MGST1: variants seen among roughly 807,000 people sequenced by gnomAD.
MGST1 encodes the protein glutathione S-transferase 12.
A neutral mutation model predicts 8.9 loss-of-function variants in MGST1; 5 were observed. The observed-to-expected ratio is 0.56, with a 90% CI of 0.29 to 1.19. The LOEUF is 1.19. Ranked by LOEUF, MGST1 falls within the 50% of genes most tolerant of loss-of-function variation. The probability of loss-of-function intolerance (pLI) is 0.08; values close to 1 mark genes in which losing one functional copy is unlikely to be tolerated. For missense variants in MGST1, 182 were observed against 187.4 expected (o/e 0.97, Z 0.17); for synonymous variants, 54 against 67.8 (o/e 0.80, Z 1.00).
At chr12:16,460,904 A>G (rs974248451) in intron 4 of MGST1, among the ~76,000 whole-genome samples, 1 of 152,090 alleles carries the variant, frequency 6.6e-6, no homozygotes, top group Non-Finnish European at 1.5e-5. Flanking sequence ...GATACTATAA[A>G]GCAAGAAGCT....
chr12:16,400,673 C>T lies in MGST1; in HGVS notation n.778+17069C>T, dbSNP rs74063773. The T allele has an allele frequency of 1.7e-4, 251 of 1,498,520 alleles. No individual in the cohort carries two copies. In the African/African-American group the frequency reaches 3.1e-3, roughly 19 times the overall value. 92.8% of individuals were successfully genotyped at this position (1,498,520 alleles called of 1,614,324 possible). On this transcript the variant is annotated intron_variant and non_coding_transcript_variant, in intron 1 of 1. Transcript: ENST00000359720. Reference sequence around the variant, plus strand: ...CGCTTCAGGGTTAGGAAAGATGTTGCCTTCATTCCTGCCCAGAGCACTGCC... The same window carrying T: ...CGCTTCAGGGTTAGGAAAGATGTTGTCTTCATTCCTGCCCAGAGCACTGCC...
intron 4 of MGST1, among the ~76,000 whole-genome samples, chr12:16,498,770 G>T (rs1941486241): frequency 6.6e-6 from 1 of 152,158 alleles, no homozygotes; most frequent in Non-Finnish European, 1.5e-5. Flanking sequence ...AAGTAGGGTA[G>T]CTCATGCACC....
intron 4 of MGST1, among the ~76,000 whole-genome samples, chr12:16,493,899 T>A (rs1336865592): frequency 2.0e-5 from 3 of 152,166 alleles, no homozygotes. Context: ...TAATTTTAAT[T>A]TCAATATCTA....
At chr12:16,366,542 T>C (rs1359371239), downstream of MGST1, among the ~76,000 whole-genome samples, 1 of 152,004 alleles carries the variant, frequency 6.6e-6, no homozygotes, top group African/African-American at 2.4e-5. The surrounding 1 kb of genome is among the most constrained non-coding windows in gnomAD (Gnocchi z 4.0). Context: ...TTATGAGGAA[T>C]AGGATGGGTT....
chr12:16,535,466 C>T (rs192861576), intron 4 of MGST1, among the ~76,000 whole-genome samples: 293 of 152,260 alleles, frequency 1.9e-3, no homozygotes, highest in Non-Finnish European at 3.6e-3. Flanking sequence ...TGTGCTGGAT[C>T]AAGTTCCAGC....
At chr12:16,529,022 T>C (rs1013761073) in intron 4 of MGST1, among the ~76,000 whole-genome samples, 4 of 152,072 alleles carry the variant, frequency 2.6e-5, no homozygotes, top group Non-Finnish European at 5.9e-5. Flanking sequence ...GGGGCTTAAG[T>C]TGATTTGAAT....
At chr12:16,489,874 T>C (rs1022615071) in intron 4 of MGST1, among the ~76,000 whole-genome samples, 5 of 152,160 alleles carry the variant, frequency 3.3e-5, no homozygotes, top group Non-Finnish European at 7.4e-5. Flanking sequence ...TGCAATTCCA[T>C]TGTCTCCCTG....
downstream of MGST1, chr12:16,364,447 C>A: frequency 1.0e-6 from 1 of 961,060 alleles, no homozygotes; most frequent in Non-Finnish European, 1.2e-6. This position sits in a 1 kb window ranked among gnomAD's most constrained non-coding sequence, Gnocchi z 5.7. Flanking sequence ...ATTTTATTTT[C>A]AAAAGTTTCA....
intron 4 of MGST1, among the ~76,000 whole-genome samples, chr12:16,540,020 A>AT (rs1424623305): frequency 6.6e-6 from 1 of 152,028 alleles, no homozygotes; most frequent in Non-Finnish European, 1.5e-5. Flanking sequence ...TGGAAGCACC[A>AT]TTTTTTACTG....
intron 4 of MGST1, chr12:16,549,170 C>G (rs1211753778): frequency 6.6e-6 from 1 of 152,024 alleles, no homozygotes; most frequent in Non-Finnish European, 1.5e-5. Context: ...TTTCACTGAT[C>G]TCTCCCCCAC....
chr12:16,583,865 G>T lies in MGST1; in HGVS notation n.483-5663G>T, dbSNP rs181120345. ...GGGTTCATAGTGGGCAGGAAAGATA[G>T]AAGTCTTAAAGGTTTGACCAAATTA... On this transcript the variant is annotated intron_variant and non_coding_transcript_variant, in intron 4 of 4. Transcript: ENST00000538857. Among the ~76,000 whole-genome samples, 37 of 152,256 alleles carry T rather than the reference G, an allele frequency of 2.4e-4. No individual in the cohort carries two copies. In the East Asian group the frequency reaches 4.8e-3, roughly 20 times the overall value.
intron 4 of MGST1, among the ~76,000 whole-genome samples, chr12:16,581,311 A>G (rs1943150677): frequency 6.6e-6 from 1 of 152,152 alleles, no homozygotes; most frequent in Non-Finnish European, 1.5e-5. Context: ...CACCTTGGGA[A>G]CTTTGACTAA....
At position 16,456,706 on chromosome 12, in the gene MGST1, C is replaced by T. The variant is rs76139404; in HGVS notation, n.482+73102C>T. 7.4e-3 allele frequency among the ~76,000 whole-genome samples: 1,124 copies of T among 152,050 alleles called. 22 individuals are homozygous for T. The highest frequency in any genetic ancestry group is 0.069 in the East Asian group (355 of 5,144). On this transcript the variant is annotated intron_variant and non_coding_transcript_variant, in intron 4 of 4. Transcript: ENST00000538857. ...CACACAAACTGAGTCACCTCCCCTA[C>T]GTACTCCTTAGTTTATATTCTCTAA... is the stretch of plus-strand genomic sequence containing the variant.
At chr12:16,365,675 A>C (rs1940171771), downstream of MGST1, among the ~76,000 whole-genome samples, 1 of 152,220 alleles carries the variant, frequency 6.6e-6, no homozygotes, top group African/African-American at 2.4e-5. Context: ...AAAGACCACG[A>C]GCTCAGGAGG....
intron 4 of MGST1, among the ~76,000 whole-genome samples, chr12:16,538,648 A>AC: frequency 7.1e-6 from 1 of 141,162 alleles, no homozygotes; most frequent in South Asian, 2.2e-4. Context: ...TCGCTCTGTC[A>AC]CCCAGGCTGG....
rs1378371852 is a variant in MGST1 at position 16,458,464 on chromosome 12, A to T, written n.482+74860A>T. On this transcript the variant is annotated intron_variant and non_coding_transcript_variant, in intron 4 of 4. Coordinates refer to the MGST1 transcript ENST00000538857. This position sits in a 1 kb window ranked among gnomAD's most constrained non-coding sequence, Gnocchi z 4.0. ...CCTTGCTGGATTCCTGCAAGAATCA[A>T]TAAGCAGTCAGTCACATTAACAATG... Among the ~76,000 whole-genome samples the T allele has an allele frequency of 6.6e-6, 1 of 152,070 alleles. No homozygotes were observed. The highest frequency in any genetic ancestry group is 1.5e-5 in the Non-Finnish European group (1 of 67,992).
chr12:16,540,618 A>C (rs562243328), intron 4 of MGST1, among the ~76,000 whole-genome samples: 4 of 152,352 alleles, frequency 2.6e-5, no homozygotes, highest in African/African-American at 9.6e-5. Flanking sequence ...TTGGGTTAGA[A>C]GGTTGTTATA....
downstream of MGST1, among the ~76,000 whole-genome samples, chr12:16,590,612 A>T (rs1243833085): frequency 6.6e-6 from 1 of 151,998 alleles, no homozygotes; most frequent in Non-Finnish European, 1.5e-5. Context: ...TTAAAAAAAA[A>T]AATCGGTATC....
chr12:16,506,380 C>A (rs1196480684), intron 4 of MGST1, among the ~76,000 whole-genome samples: 1 of 152,092 alleles, frequency 6.6e-6, no homozygotes, highest in Admixed American at 6.6e-5. Context: ...GAAGGAGGCA[C>A]TATTTTCCAG....
Sources: allele counts gnomAD v4.1 joint callset (sites outside exome capture counted in the v4.1 genomes callset), GRCh38; gene constraint gnomAD v4.1.1; non-coding constraint Gnocchi (gnomAD v3.1); transcripts MANE v1.5; gene names NCBI Gene and HGNC (gene_info 2026-07-23, HGNC 2026-07-21).